Variants in SAMD8 observed in about 807,000 individuals in gnomAD.
SAMD8 encodes sterile alpha motif domain containing 8, also known as sphingomyelin synthase-related protein 1.
In SAMD8, 20 loss-of-function variants were observed where a neutral mutation model predicts 42.0. The observed-to-expected ratio is 0.48, with a 90% CI of 0.34 to 0.69. The LOEUF is 0.69. Ranked by LOEUF, SAMD8 falls within the 30% of genes least tolerant of loss-of-function variation. SAMD8 has a pLI of 0.01. For synonymous variants in SAMD8, 162 were observed against 173.0 expected, an observed-to-expected ratio of 0.94 and a Z score of 0.50; for missense variants, 328 against 511.6, an observed-to-expected ratio of 0.64 and a Z score of 3.46.
At chr10:75,172,558 T>G (rs1429808497) in intron 4 of SAMD8, among the ~76,000 whole-genome samples, 1 of 151,648 alleles carries the variant, frequency 6.6e-6, no homozygotes, top group African/African-American at 2.4e-5. Flanking sequence ...CGTGCGGTGG[T>G]GCGATCTTGG....
intron 1 of SAMD8, among the ~76,000 whole-genome samples, chr10:75,126,597 G>T (rs1004405354): frequency 6.6e-6 from 1 of 150,756 alleles, no homozygotes; most frequent in African/African-American, 2.4e-5. Context: ...AACCTCCTAG[G>T]CTCAAGTGGT....
chr10:75,176,140 C>T lies in SAMD8; in HGVS notation c.867C>T (p.Gly289=), dbSNP rs372586304. 10 of 1,614,010 alleles carry T rather than the reference C, an allele frequency of 6.2e-6. No homozygotes were observed. The highest frequency in any genetic ancestry group is 3.3e-5 in the South Asian group (3 of 91,084). ...IWSGFGMTLT[G]VHTCGDYMFS... ...GTGGCTTTGGTATGACCCTGACTGG[C>T]GTTCACACATGTGGAGATTACATGT... is the stretch of plus-strand genomic sequence containing the variant. Residue 289 remains glycine (G), a synonymous_variant, in exon 5 of 6, where the codon GGC becomes GGT. Coordinates refer to ENST00000542569, the MANE Select transcript of SAMD8 (RefSeq NM_001174156.2). The surrounding 1 kb of genome is among the most constrained non-coding windows in gnomAD (Gnocchi z 4.3).
chr10:75,138,092 CATATCTCATGA>C (rs1329726315), intron 1 of SAMD8, among the ~76,000 whole-genome samples: 1 of 151,940 alleles, frequency 6.6e-6, no homozygotes, highest in African/African-American at 2.4e-5. Context: ...ATCTGTTTTC[CATATCTCATGA>C]GCATCTCATG....
At chr10:75,162,497 C>T (rs762951904) in intron 2 of SAMD8, among the ~76,000 whole-genome samples, 88 of 151,258 alleles carry the variant, frequency 5.8e-4, no homozygotes, top group Non-Finnish European at 8.0e-4. Context: ...TAAAAATACA[C>T]AATTAGCCGG....
intron 2 of SAMD8, among the ~76,000 whole-genome samples, chr10:75,155,662 G>T (rs1033547270): frequency 2.0e-5 from 3 of 152,062 alleles, no homozygotes; most frequent in Non-Finnish European, 4.4e-5. Flanking sequence ...TTACATGAAG[G>T]TACTCCACAA....
At position 75,105,731 on chromosome 10, in the gene SAMD8, G is replaced by A. The variant is rs201867641; in HGVS notation, c.-16+6003G>A. The A allele has an allele frequency of 3.7e-4, 571 of 1,554,534 alleles. 2 individuals carry two copies. The African/African-American group carries it at 6.3e-3, about 17-fold the overall frequency. On this transcript the variant is annotated intron_variant, in intron 1 of 3. Coordinates refer to the SAMD8 transcript ENST00000447533. ...CTGCAGAGCTGGTGCAGGAAGCCTC[G>A]GTTGGGGAAGACCCATCGGTGCTGC...
rs1313382028 is a variant in SAMD8, at chr10:75,146,058, C to A, written c.-15-4456C>A. On this transcript the variant is annotated intron_variant, in intron 1 of 5. Transcript: ENST00000542569. ...TGGAGTTCTTGTCTGTGTATCTCGTCTCCAGTATTGTGCCCCATAAACACT... is the reference window on the plus strand; with the variant it reads ...TGGAGTTCTTGTCTGTGTATCTCGTATCCAGTATTGTGCCCCATAAACACT... Among the ~76,000 whole-genome samples the A allele has an allele frequency of 2.0e-5, 3 of 152,154 alleles. No individual in the cohort carries two copies. In the East Asian group the frequency reaches 5.8e-4, roughly 29 times the overall value.
At position 75,150,888 on chromosome 10, in the gene SAMD8, C is replaced by T. The variant is rs1340905658; in HGVS notation, c.360C>T (p.Asp120=). 7 of 1,612,398 alleles carry T rather than the reference C, an allele frequency of 4.3e-6. No homozygotes were observed. Among genetic ancestry groups the T allele is most frequent in the Admixed American group, 1.7e-5 (1 of 59,840 alleles). The change falls in exon 2 of 6, where the codon GAC becomes GAT. Residue 120 remains aspartate, a synonymous_variant. Coordinates refer to ENST00000542569, the MANE Select transcript of SAMD8 (RefSeq NM_001174156.2). ...LCNGELSHDC[D]GPITDLNSDQ... The stretch of plus-strand genomic sequence containing the variant: ...ATGGGGAGCTTTCCCATGACTGTGA[C>T]GGACCCATAACTGACTTGAATTCTG...
chr10:75,102,939 C>T (rs12356553), intron 1 of SAMD8, among the ~76,000 whole-genome samples: 39,521 of 151,916 alleles, frequency 0.26, 5,678 homozygotes, highest in East Asian at 0.61. Context: ...GCAACAAGAA[C>T]GAAACTCCGT....
chr10:75,103,332 A>G (rs7905015), intron 1 of SAMD8, among the ~76,000 whole-genome samples: 55,129 of 152,116 alleles, frequency 0.36, 10,881 homozygotes, highest in East Asian at 0.66. Flanking sequence ...TGAGGGAAGC[A>G]GCACAGGCCC....
intron 4 of SAMD8, among the ~76,000 whole-genome samples, chr10:75,172,931 G>A (rs1840904448): frequency 1.3e-5 from 2 of 152,064 alleles, no homozygotes; most frequent in Non-Finnish European, 2.9e-5. Context: ...ACCATACCTA[G>A]CCAGGACAGA....
chr10:75,131,196 T>TGGGAAA, intron 1 of SAMD8, among the ~76,000 whole-genome samples: 1 of 152,208 alleles, frequency 6.6e-6, no homozygotes, highest in Non-Finnish European at 1.5e-5. Context: ...CTTTCCTTCC[T>TGGGAAA]CATTTTATAG....
At chr10:75,148,037 T>C (rs1343398735) in intron 1 of SAMD8, among the ~76,000 whole-genome samples, 5 of 152,190 alleles carry the variant, frequency 3.3e-5, no homozygotes, top group African/African-American at 9.6e-5. Flanking sequence ...ATGGATGTTA[T>C]AATAATTTTC....
rs112006710 is a variant in SAMD8, at chr10:75,145,390, T to G, written c.-15-5124T>G. ...CTCCTCATTATAAGTGATACTTTCC[T>G]GCTTCTTTGCATGCCTGACAATCTT... On this transcript the variant is annotated intron_variant, in intron 1 of 5. Coordinates refer to ENST00000542569, the MANE Select transcript of SAMD8 (RefSeq NM_001174156.2). Among the ~76,000 whole-genome samples the G allele has an allele frequency of 1.4e-3, 212 of 152,380 alleles. 2 individuals are homozygous for G. Among genetic ancestry groups the G allele is most frequent in the Non-Finnish European group, 1.7e-3 (119 of 68,044 alleles).
rs535190865 is a variant in SAMD8 at position 75,152,260 on chromosome 10, C to T, written c.578+1154C>T. On this transcript the variant is annotated intron_variant, in intron 2 of 5. Coordinates refer to ENST00000542569, the MANE Select transcript of SAMD8 (RefSeq NM_001174156.2). ...GAATAGGGCCGGGCGCGGTGGCTCA[C>T]GCCTGTAATCCCAGCACTTTGGGAG... Among the ~76,000 whole-genome samples the T allele has an allele frequency of 1.8e-4, 27 of 151,302 alleles. 1 individual carries two copies. The highest frequency in any genetic ancestry group is 2.0e-4 in the East Asian group (1 of 5,092).
intron 1 of SAMD8, among the ~76,000 whole-genome samples, chr10:75,135,701 C>T (rs1159183677): frequency 2.6e-5 from 4 of 151,614 alleles, no homozygotes; most frequent in African/African-American, 9.7e-5. Flanking sequence ...TGGTGGGCGC[C>T]TGTAGTCCCA....
chr10:75,154,596 C>G (rs1304719127), intron 2 of SAMD8, among the ~76,000 whole-genome samples: 4 of 152,114 alleles, frequency 2.6e-5, no homozygotes, highest in African/African-American at 7.2e-5. Context: ...AGGGAAGGCA[C>G]TGGAAAGTAC....
In SAMD8 at chr10:75,176,389, T is replaced by TA; in HGVS notation, c.946dup (p.Thr316AsnfsTer28). 1 of 1,553,394 alleles carries TA rather than the reference T, an allele frequency of 6.4e-7. No individual in the cohort carries two copies. Among genetic ancestry groups the TA allele is most frequent in the Non-Finnish European group, 8.7e-7 (1 of 1,149,770 alleles). On this transcript the variant is annotated frameshift_variant and splice_region_variant, in exon 6 of 6. Coordinates refer to ENST00000542569, the MANE Select transcript of SAMD8 (RefSeq NM_001174156.2). LOFTEE classifies it high-confidence loss of function. This position sits in a 1 kb window ranked among gnomAD's most constrained non-coding sequence, Gnocchi z 4.3. ...ATGATCTTTCTGTCCTTTTCCTAGA[T>TA]ACACCAAGAAGCTGGAATTTCTTGC...
intron 1 of SAMD8, among the ~76,000 whole-genome samples, chr10:75,129,198 A>G (rs910444788): frequency 4.0e-5 from 6 of 150,340 alleles, no homozygotes; most frequent in African/African-American, 7.4e-5. Context: ...ATAGCTCACT[A>G]TAGCCTGGAA....
Sources: gnomAD v4.1 joint callset for allele counts (sites outside exome capture counted in the v4.1 genomes callset) on GRCh38, gnomAD v4.1.1 for gene constraint, Gnocchi (gnomAD v3.1) non-coding constraint, MANE v1.5 for transcripts, NCBI Gene and HGNC (gene_info 2026-07-23, HGNC 2026-07-21) for gene names.